Variants in LINGO2 observed in about 807,000 individuals in gnomAD.
The protein encoded by LINGO2 is leucine-rich repeat and immunoglobulin-like domain-containing nogo receptor-interacting protein 2.
A neutral mutation model predicts 30.6 loss-of-function variants in LINGO2; 14 were observed. That is an observed-to-expected ratio of 0.46 (90% CI 0.30 to 0.72). LINGO2 has a LOEUF of 0.72. LINGO2 is among the 30% of genes least tolerant of loss of function. The pLI, the probability that LINGO2 is intolerant of heterozygous loss-of-function variation, is 0.07. For synonymous variants in LINGO2, 317 were observed against 288.5 expected, an observed-to-expected ratio of 1.10 and a Z score of -1.00; for missense variants, 729 against 751.7, an observed-to-expected ratio of 0.97 and a Z score of 0.35.
intron 4 of LINGO2, among the ~76,000 whole-genome samples, chr9:28,208,319 G>C (rs1252578968): frequency 6.6e-6 from 1 of 151,994 alleles, no homozygotes; most frequent in African/African-American, 2.4e-5. Context: ...ATATGCAACT[G>C]AATTTATAGA....
chr9:28,963,588 C>A, the LINGO2 span, among the ~76,000 whole-genome samples: 1 of 122,134 alleles, frequency 8.2e-6, no homozygotes, highest in Non-Finnish European at 1.7e-5. Flanking sequence ...AGTGGAATAC[C>A]ATTAAGTCAT....
intron 1 of LINGO2, among the ~76,000 whole-genome samples, chr9:28,548,454 C>T (rs1368205821): frequency 6.6e-6 from 1 of 151,716 alleles, no homozygotes; most frequent in Non-Finnish European, 1.5e-5. Flanking sequence ...GCCTGTAATC[C>T]CAGTACTTTG....
chr9:28,688,757 G>A, the LINGO2 span, among the ~76,000 whole-genome samples: 1 of 152,152 alleles, frequency 6.6e-6, no homozygotes, highest in Admixed American at 6.5e-5. Context: ...TCTCTACTGT[G>A]AGTCACTTTC....
At chr9:28,876,956 G>A in the LINGO2 span, among the ~76,000 whole-genome samples, 404 of 152,300 alleles carry the variant, frequency 2.7e-3, 1 homozygote, top group African/African-American at 9.4e-3. Flanking sequence ...ACTGGTGTGA[G>A]ATGGTATCTC....
chr9:28,625,783 T>A (rs1826635972), intron 1 of LINGO2, among the ~76,000 whole-genome samples: 1 of 152,132 alleles, frequency 6.6e-6, no homozygotes, highest in African/African-American at 2.4e-5. Flanking sequence ...TTAATGTAGT[T>A]ATTCTAGTCT....
At chr9:28,773,812 C>T in the LINGO2 span, among the ~76,000 whole-genome samples, 7 of 152,240 alleles carry the variant, frequency 4.6e-5, no homozygotes, top group Middle Eastern at 3.4e-3. Flanking sequence ...TAAATAAAAA[C>T]TCCTTTAAAT....
the LINGO2 span, among the ~76,000 whole-genome samples, chr9:29,045,196 A>G: frequency 6.6e-6 from 1 of 152,122 alleles, no homozygotes; most frequent in African/African-American, 2.4e-5. Context: ...AAGTGATTTC[A>G]TCATGGCTAC....
chr9:28,629,525 T>C (rs191202993), intron 1 of LINGO2, among the ~76,000 whole-genome samples: 5 of 152,172 alleles, frequency 3.3e-5, no homozygotes, highest in Non-Finnish European at 7.4e-5. Flanking sequence ...ATCTTTGAAT[T>C]TGGATATGAA....
At chr9:28,146,720 TAG>T (rs1827823677) in intron 4 of LINGO2, among the ~76,000 whole-genome samples, 1 of 152,270 alleles carries the variant, frequency 6.6e-6, no homozygotes, top group African/African-American at 2.4e-5. Flanking sequence ...TAAGAAAACC[TAG>T]AGTTATATTT....
chr9:28,075,806 C>T (rs926922086), intron 4 of LINGO2, among the ~76,000 whole-genome samples: 1 of 151,750 alleles, frequency 6.6e-6, no homozygotes, highest in African/African-American at 2.4e-5. Flanking sequence ...ATACTAATTC[C>T]TTTTTAATTT....
chr9:28,712,790 C>T, the LINGO2 span, among the ~76,000 whole-genome samples: 6 of 151,848 alleles, frequency 4.0e-5, no homozygotes, highest in Admixed American at 3.9e-4. Flanking sequence ...ATGTGTTTTG[C>T]TTAAATATGA....
intron 4 of LINGO2, among the ~76,000 whole-genome samples, chr9:28,263,707 G>A (rs10812768): frequency 0.17 from 25,091 of 151,886 alleles, 2,213 homozygotes; most frequent in Middle Eastern, 0.29. Context: ...GACCACAGCT[G>A]CTTAAAAATA....
the LINGO2 span, among the ~76,000 whole-genome samples, chr9:29,069,281 C>A: frequency 1.3e-5 from 2 of 151,894 alleles, no homozygotes; most frequent in Admixed American, 6.6e-5. Context: ...ATCATAAGAA[C>A]CCTCTCATGA....
intron 4 of LINGO2, among the ~76,000 whole-genome samples, chr9:28,250,856 C>G (rs1195522537): frequency 1.3e-5 from 2 of 152,050 alleles, no homozygotes; most frequent in African/African-American, 4.8e-5. Context: ...TCACAGCTAC[C>G]CAGTGATAAT....
chr9:28,294,742 A>G (rs542171159), intron 4 of LINGO2, among the ~76,000 whole-genome samples: 8 of 152,330 alleles, frequency 5.3e-5, no homozygotes, highest in Admixed American at 2.0e-4. Flanking sequence ...AAATACTTTC[A>G]AAGAAATAAA....
chr9:29,040,459 TATACTATTTTTACATATAA>T, the LINGO2 span, among the ~76,000 whole-genome samples: 1 of 151,896 alleles, frequency 6.6e-6, no homozygotes, highest in Admixed American at 6.6e-5. Context: ...AGCATAATAG[TATACTATTTTTACATATAA>T]ATACTGGTTA....
intron 5 of LINGO2, among the ~76,000 whole-genome samples, chr9:27,974,812 A>G (rs1267149096): frequency 2.0e-5 from 3 of 152,176 alleles, no homozygotes; most frequent in Non-Finnish European, 2.9e-5. Context: ...TTAGAGAAAG[A>G]AAGGGTCGAC....
intron 4 of LINGO2, among the ~76,000 whole-genome samples, chr9:28,162,142 G>A (rs1487234758): frequency 6.6e-6 from 1 of 151,908 alleles, no homozygotes; most frequent in African/African-American, 2.4e-5. Context: ...CCAGAAACCA[G>A]TACCAAATTA....
chr9:29,038,140 G>C, the LINGO2 span, among the ~76,000 whole-genome samples: 1 of 151,856 alleles, frequency 6.6e-6, no homozygotes, highest in Non-Finnish European at 1.5e-5. Context: ...ATATAACTAA[G>C]GCAGAATTGC....
Sources: allele counts gnomAD v4.1 joint callset (sites outside exome capture counted in the v4.1 genomes callset), GRCh38; gene constraint gnomAD v4.1.1; transcripts MANE v1.5; gene names NCBI Gene and HGNC (gene_info 2026-07-23, HGNC 2026-07-21).